The following FBXO3 variants were observed in gnomAD, a reference collection of about 807,000 sequenced individuals.
FBXO3 encodes the protein F-box protein 3, also known as F-box only protein 3.
In FBXO3, 17 loss-of-function variants were observed where a neutral mutation model predicts 64.8. The observed-to-expected ratio is 0.26, with a 90% CI of 0.18 to 0.39. The LOEUF (loss-of-function observed/expected upper bound fraction) is 0.39, where lower values mean the gene tolerates loss of function less well. Among genes scored for constraint, FBXO3 ranks in the 10% least tolerant of loss-of-function variants. The probability of loss-of-function intolerance (pLI) is 1.00; values close to 1 mark genes in which losing one functional copy is unlikely to be tolerated. For missense variants in FBXO3, 420 were observed against 589.9 expected (o/e 0.71, Z 2.98); for synonymous variants, 182 against 201.6 (o/e 0.90, Z 0.82).
intron 1 of FBXO3, chr11:33,773,087 A>G (rs948090762): frequency 6.6e-6 from 1 of 152,194 alleles, no homozygotes; most frequent in African/African-American, 2.4e-5. Context: ...TGGTGGAGAA[A>G]TAAGTCCTGG....
intron 1 of FBXO3, chr11:33,773,543 C>A (rs1855561561): frequency 6.6e-6 from 1 of 152,232 alleles, no homozygotes. Context: ...TACGGTAGCA[C>A]AGGAAACTCA....
At chr11:33,770,905 ATT>A in intron 1 of FBXO3, 75 bp from the exon 2 acceptor site, 2 of 1,221,262 alleles carry the variant, frequency 1.6e-6, no homozygotes, top group African/African-American at 1.5e-5. Flanking sequence ...TAAAATATTC[ATT>A]GTTTTGTTTT....
In FBXO3 at chr11:33,772,134, C is replaced by G. The variant is rs1280022452; in HGVS notation, c.105-1304G>C. On this transcript the variant is annotated intron_variant, in intron 1 of 10. Transcript: ENST00000265651. ...GATCATCTCAATTCAAACTAGGCAA[C>G]TGATGCTACATGATTCCAGTGTACT... The G allele has an allele frequency of 2.0e-5, 3 of 152,212 alleles. No individual in the cohort carries two copies. The East Asian group carries it at 5.8e-4, about 29-fold the overall frequency. 9.4% of individuals were successfully genotyped at this position (152,212 alleles called of 1,614,324 possible).
chr11:33,754,617 A>C (rs565121068), intron 5 of FBXO3, 117 bp from the exon 6 acceptor site: 2 of 796,268 alleles, frequency 2.5e-6, no homozygotes, highest in African/African-American at 1.8e-5. Flanking sequence ...AGTTGAGATA[A>C]GAAGATATAT....
intron 2 of FBXO3, among the ~76,000 whole-genome samples, chr11:33,769,536 G>A (rs1291755628): frequency 1.3e-5 from 2 of 152,018 alleles, no homozygotes; most frequent in African/African-American, 4.8e-5. Flanking sequence ...AAAAAAATAA[G>A]GCACATTTTT....
intron 3 of FBXO3, among the ~76,000 whole-genome samples, chr11:33,762,264 G>C (rs1018980026): frequency 6.6e-6 from 1 of 152,160 alleles, no homozygotes. Context: ...TTCAGTAAGA[G>C]TGTAGAAGAT....
At chr11:33,751,492 T>C in intron 7 of FBXO3, 31 bp downstream of exon 7, 6 of 1,401,176 alleles carry the variant, frequency 4.3e-6, no homozygotes, top group Non-Finnish European at 6.0e-6. Flanking sequence ...TTTACAATCA[T>C]TTCAATCCAA....
rs962099599 is a variant in FBXO3, at chr11:33,748,660, A to G, written c.1048+117T>C. 5.5e-6 allele frequency: 3 copies of G among 544,460 alleles called. No individual in the cohort carries two copies. In the African/African-American group the frequency reaches 5.6e-5, roughly 10 times the overall value. The allele number at this position is 544,460 out of a possible 1,614,324, so 33.7% of individuals were successfully genotyped here. On this transcript the variant is annotated intron_variant, in intron 9 of 10. Coordinates refer to ENST00000265651, the MANE Select transcript of FBXO3 (RefSeq NM_012175.4). ...TATTATTTCAGAAAAGTTAATGCTT[A>G]AGGGATTAAATTAATAGGATAACGA...
chr11:33,758,675 A>G (rs1855168283), intron 3 of FBXO3, 74 bp from the exon 4 acceptor site: 6 of 957,794 alleles, frequency 6.3e-6, no homozygotes, highest in Middle Eastern at 2.2e-4. Context: ...TCTATCTGCT[A>G]ACTAATGAAA....
At chr11:33,768,821 A>G (rs1252004605) in intron 3 of FBXO3, 30 bp downstream of exon 3, 2 of 1,613,398 alleles carry the variant, frequency 1.2e-6, no homozygotes, top group Non-Finnish European at 1.7e-6. Context: ...AGTAATGGAA[A>G]CGGGGAAAGG....
chr11:33,749,009 C>A, intron 8 of FBXO3, 117 bp from the exon 9 acceptor site: 1 of 508,400 alleles, frequency 2.0e-6, no homozygotes, highest in Non-Finnish European at 3.5e-6. Flanking sequence ...ATTAAGAAAC[C>A]CAACCCAAAG....
In FBXO3 at chr11:33,741,941, G is replaced by A. The variant is rs758906046; in HGVS notation, c.1383C>T (p.Pro461=). ...EERRRRVFDV[P]IRRRRCSRLF ...GGCGTGAGCAGCGGCGTCTGCGAAT[G>A]GGAACATCAAAGACTCTCCTCCGTC... The change falls in exon 11 of 11, where the codon CCC becomes CCT. Residue 461 remains proline (P), a synonymous_variant. Transcript: ENST00000265651. The A allele has an allele frequency of 6.2e-7, 1 of 1,613,402 alleles. No individual in the cohort carries two copies. The highest frequency in any genetic ancestry group is 1.1e-5 in the South Asian group (1 of 90,990).
intron 8 of FBXO3, among the ~76,000 whole-genome samples, chr11:33,750,319 T>C (rs923935175): frequency 2.6e-5 from 4 of 152,238 alleles, no homozygotes; most frequent in African/African-American, 9.6e-5. Flanking sequence ...CAATACTTGA[T>C]ACCCAGTATA....
At chr11:33,772,621 CTTCCGA>C (rs1855536681) in intron 1 of FBXO3, 1 of 152,268 alleles carries the variant, frequency 6.6e-6, no homozygotes, top group African/African-American at 2.4e-5. Context: ...ATGGCAGCTC[CTTCCGA>C]TTTGATCACT....
At chr11:33,747,862 T>A (rs1590563303) in intron 9 of FBXO3, among the ~76,000 whole-genome samples, 1 of 140,650 alleles carries the variant, frequency 7.1e-6, no homozygotes. Flanking sequence ...ATGTAGAAAG[T>A]GGGAAGTATC....
At chr11:33,742,298 T>G (rs1166387689) in intron 10 of FBXO3, 10 of 366,974 alleles carry the variant, frequency 2.7e-5, no homozygotes, top group Non-Finnish European at 4.8e-5. Context: ...GTGTGATTTT[T>G]TTGTTGTTGT....
Position 33,741,821 on chromosome 11 carries a change from G to A in FBXO3, c.*87C>T. On this transcript the variant is annotated 3_prime_UTR_variant, in exon 11 of 11. Transcript: ENST00000265651. ...TTTCATGCTAGTTTTCCTGCTATAT[G>A]CAGAGAACAATTTAGTTATTTACAT... 1 of 1,322,400 alleles carries A rather than the reference G, an allele frequency of 7.6e-7. No homozygotes were observed. The allele number at this position is 1,322,400 out of a possible 1,614,324, so 81.9% of individuals were successfully genotyped here.
chr11:33,763,498 A>T (rs1855290547), intron 3 of FBXO3, among the ~76,000 whole-genome samples: 1 of 152,134 alleles, frequency 6.6e-6, no homozygotes, highest in African/African-American at 2.4e-5. Context: ...GAGTAAGGAG[A>T]AAAATCATGA....
intron 3 of FBXO3, among the ~76,000 whole-genome samples, chr11:33,763,547 C>T (rs1472578153): frequency 7.0e-6 from 1 of 143,238 alleles, no homozygotes; most frequent in African/African-American, 2.6e-5. Flanking sequence ...AGAAATTATC[C>T]ATTTAAAAAA....
Sources: allele counts gnomAD v4.1 joint callset (sites outside exome capture counted in the v4.1 genomes callset), GRCh38; gene constraint gnomAD v4.1.1; transcripts MANE v1.5; gene names NCBI Gene and HGNC (gene_info 2026-07-23, HGNC 2026-07-21).